The following ADCY8 variants were observed in gnomAD, a reference collection of about 807,000 sequenced individuals.
ADCY8 encodes the protein adenylate cyclase type 8.
A neutral mutation model predicts 119.7 loss-of-function variants in ADCY8; 51 were observed. That is an observed-to-expected ratio of 0.43 (90% CI 0.34 to 0.54). ADCY8 has a LOEUF of 0.54. Ranked by LOEUF, ADCY8 falls within the 20% of genes least tolerant of loss-of-function variation. The pLI is 0.03. For synonymous variants in ADCY8, 665 were observed against 651.0 expected, an observed-to-expected ratio of 1.02 and a Z score of -0.33; for missense variants, 1,383 against 1,598.8, an observed-to-expected ratio of 0.87 and a Z score of 2.30.
chr8:130,877,313 C>A (rs757931757), intron 8 of ADCY8, among the ~76,000 whole-genome samples: 2 of 152,184 alleles, frequency 1.3e-5, no homozygotes, highest in Non-Finnish European at 2.9e-5. Flanking sequence ...TCCCAGGGCA[C>A]AGAAGCTGTG....
chr8:131,029,752 G>A (rs1377749051), intron 1 of ADCY8, among the ~76,000 whole-genome samples: 2 of 151,404 alleles, frequency 1.3e-5, no homozygotes, highest in Non-Finnish European at 2.9e-5. Context: ...TGCTTCAAGG[G>A]ATAATTTCTG....
chr8:130,935,722 C>G (rs1161283237), intron 5 of ADCY8, among the ~76,000 whole-genome samples: 1 of 152,216 alleles, frequency 6.6e-6, no homozygotes, highest in African/African-American at 2.4e-5. Flanking sequence ...TGCCCACTGC[C>G]TTCTTTCAAC....
intron 17 of ADCY8, among the ~76,000 whole-genome samples, chr8:130,783,401 A>C (rs1463663045): frequency 5.9e-5 from 9 of 152,236 alleles, no homozygotes; most frequent in Non-Finnish European, 8.8e-5. Context: ...ACGACCTTGC[A>C]TGGGCAGGCA....
chr8:130,821,168 A>T (rs1281676898), intron 13 of ADCY8, among the ~76,000 whole-genome samples, 174 bp downstream of exon 13: 6 of 152,212 alleles, frequency 3.9e-5, no homozygotes, highest in Non-Finnish European at 8.8e-5. Flanking sequence ...TGTTTACCAG[A>T]TCTTCTCCAG....
intron 2 of ADCY8, among the ~76,000 whole-genome samples, chr8:130,954,007 C>T (rs1821350917): frequency 6.6e-6 from 1 of 152,152 alleles, no homozygotes; most frequent in Non-Finnish European, 1.5e-5. Context: ...GGAGTAGGTG[C>T]TAATTACAGC....
At chr8:130,793,576 G>A (rs756389492) in intron 15 of ADCY8, among the ~76,000 whole-genome samples, 15 of 152,100 alleles carry the variant, frequency 9.9e-5, no homozygotes, top group South Asian at 6.2e-4. Context: ...TATCTTGTGC[G>A]CCCAGGGCAG....
At chr8:130,811,743 G>A (rs1218659893) in intron 14 of ADCY8, among the ~76,000 whole-genome samples, 3 of 152,194 alleles carry the variant, frequency 2.0e-5, no homozygotes, top group Non-Finnish European at 4.4e-5. Context: ...TGTAGTCCCT[G>A]CTTTGTGGAT....
At chr8:130,942,040 C>T (rs1197203674) in intron 4 of ADCY8, among the ~76,000 whole-genome samples, 5 of 152,162 alleles carry the variant, frequency 3.3e-5, no homozygotes, top group Non-Finnish European at 2.9e-5. Flanking sequence ...CCCCAAATCA[C>T]CCCACCCCAT....
intron 1 of ADCY8, among the ~76,000 whole-genome samples, chr8:131,026,063 G>A (rs1006434760): frequency 6.6e-6 from 1 of 152,232 alleles, no homozygotes; most frequent in South Asian, 2.1e-4. Flanking sequence ...CTAAATGAAA[G>A]CATGCATTAA....
At chr8:131,005,935 C>T (rs534763523) in intron 1 of ADCY8, among the ~76,000 whole-genome samples, 1 of 152,110 alleles carries the variant, frequency 6.6e-6, no homozygotes, top group African/African-American at 2.4e-5. Context: ...CTGCTGGAAC[C>T]CTGAATAATA....
At chr8:130,990,615 A>G in intron 1 of ADCY8, 73 bp from the exon 2 acceptor site, 1 of 1,551,596 alleles carries the variant, frequency 6.4e-7, no homozygotes. Flanking sequence ...TACACAAATA[A>G]ATATGAATTT....
chr8:130,956,792 G>T (rs750390343), intron 2 of ADCY8, among the ~76,000 whole-genome samples: 2 of 152,130 alleles, frequency 1.3e-5, no homozygotes, highest in Non-Finnish European at 2.9e-5. Flanking sequence ...TTGATGGTTT[G>T]ATAAGGAAAA....
chr8:130,846,291 T>C (rs1318077928), intron 11 of ADCY8, among the ~76,000 whole-genome samples: 3 of 152,104 alleles, frequency 2.0e-5, no homozygotes, highest in Non-Finnish European at 4.4e-5. Flanking sequence ...ATATGTAAAG[T>C]TCTGGGTTGT....
intron 11 of ADCY8, among the ~76,000 whole-genome samples, chr8:130,844,406 C>T (rs1368670994): frequency 6.6e-6 from 1 of 152,286 alleles, no homozygotes; most frequent in Non-Finnish European, 1.5e-5. Flanking sequence ...TTATATCATA[C>T]ATTGTAAAAG....
At chr8:130,805,879 C>A (rs531167326) in intron 14 of ADCY8, among the ~76,000 whole-genome samples, 48 of 152,252 alleles carry the variant, frequency 3.2e-4, no homozygotes, top group African/African-American at 1.1e-3. Context: ...TCACCTTGGG[C>A]ACAAACAGGT....
At chr8:130,863,579 A>G (rs796328523) in intron 9 of ADCY8, among the ~76,000 whole-genome samples, 13 of 152,142 alleles carry the variant, frequency 8.5e-5, no homozygotes, top group African/African-American at 3.1e-4. Flanking sequence ...TTGATTGAGC[A>G]TTTTATATGA....
intron 5 of ADCY8, among the ~76,000 whole-genome samples, chr8:130,919,857 G>A (rs2130578149): frequency 6.6e-6 from 1 of 152,212 alleles, no homozygotes; most frequent in Non-Finnish European, 1.5e-5. Flanking sequence ...TTTCTGTTGT[G>A]GCAATGAGCT....
At chr8:131,031,847 GA>G (rs1205533640) in intron 1 of ADCY8, among the ~76,000 whole-genome samples, 1 of 152,016 alleles carries the variant, frequency 6.6e-6, no homozygotes, top group Non-Finnish European at 1.5e-5. Flanking sequence ...GGTTCTGTTA[GA>G]TTTTTTTTTT....
At chr8:130,992,384 T>C (rs71510398) in intron 1 of ADCY8, among the ~76,000 whole-genome samples, 63,833 of 96,948 alleles carry the variant, frequency 0.66, 18,385 homozygotes, top group East Asian at 0.86. Flanking sequence ...GTATCTGGCA[T>C]ATATATATAT....
Sources: allele counts gnomAD v4.1 joint callset (sites outside exome capture counted in the v4.1 genomes callset), GRCh38; gene constraint gnomAD v4.1.1; transcripts MANE v1.5; gene names NCBI Gene and HGNC (gene_info 2026-07-23, HGNC 2026-07-21).